The following KLHL13 variants were observed in gnomAD, a reference collection of about 807,000 sequenced individuals.
KLHL13 encodes kelch like family member 13.
In KLHL13, 10 loss-of-function variants were observed where a neutral mutation model predicts 37.1. That is an observed-to-expected ratio of 0.27 (90% CI 0.17 to 0.46). The LOEUF (loss-of-function observed/expected upper bound fraction) is 0.46. Among genes scored for constraint, KLHL13 ranks in the 20% least tolerant of loss-of-function variants. KLHL13 has a pLI of 1.00. For synonymous variants in KLHL13, 163 were observed against 181.2 expected, an observed-to-expected ratio of 0.90 and a Z score of 0.81; for missense variants, 360 against 509.3, an observed-to-expected ratio of 0.71 and a Z score of 2.82.
intron 1 of KLHL13, among the ~76,000 whole-genome samples, chrX:117,982,764 C>T (rs1368434036): frequency 8.9e-6 from 1 of 112,027 alleles, no homozygotes; most frequent in African/African-American, 3.2e-5. Context: ...GCTTTAAAGT[C>T]AAGGTTGCTA....
At chrX:118,049,569 G>A (rs2054593523) in intron 1 of KLHL13, among the ~76,000 whole-genome samples, 1 of 110,221 alleles carries the variant, frequency 9.1e-6, no homozygotes, top group African/African-American at 3.3e-5. Context: ...AGCACTAACT[G>A]TTGCATTGAG....
chrX:117,952,099 A>G (rs1014094122), intron 1 of KLHL13, among the ~76,000 whole-genome samples: 26 of 111,709 alleles, frequency 2.3e-4, no homozygotes, highest in African/African-American at 7.2e-4. Flanking sequence ...TCGCCAAGTC[A>G]ATCCTAAGCC....
intron 1 of KLHL13, among the ~76,000 whole-genome samples, chrX:118,025,562 T>A (rs1484754092): frequency 9.0e-6 from 1 of 110,912 alleles, no homozygotes; most frequent in Non-Finnish European, 1.9e-5. Flanking sequence ...TGGCCCATAG[T>A]GCAAGAATAG....
chrX:118,114,343 C>T (rs1232082205), intron 1 of KLHL13, among the ~76,000 whole-genome samples: 1 of 111,933 alleles, frequency 8.9e-6, no homozygotes, highest in Non-Finnish European at 1.9e-5. Flanking sequence ...TCTAGGTGTA[C>T]CAGATGGACT....
chrX:117,992,823 G>T (rs374436741), intron 1 of KLHL13, among the ~76,000 whole-genome samples: 1 of 111,268 alleles, frequency 9.0e-6, no homozygotes, highest in East Asian at 2.8e-4. Context: ...TTATTCTTAG[G>T]TGTGTTCAAC....
intron 1 of KLHL13, among the ~76,000 whole-genome samples, chrX:118,093,888 G>A (rs1000805789): frequency 2.0e-4 from 22 of 109,502 alleles, no homozygotes; most frequent in African/African-American, 7.3e-4. Flanking sequence ...TTTTTCTCTC[G>A]GGGGTGGAGA....
At chrX:117,970,112 A>G (rs1241731094) in intron 1 of KLHL13, among the ~76,000 whole-genome samples, 1 of 111,604 alleles carries the variant, frequency 9.0e-6, no homozygotes, top group Admixed American at 9.6e-5. Flanking sequence ...GAGCGTTTAG[A>G]TTTTTCCCAC....
At chrX:117,926,886 T>TTC (rs1932065013) in intron 2 of KLHL13, among the ~76,000 whole-genome samples, 1 of 14,164 alleles carries the variant, frequency 7.1e-5, no homozygotes, top group African/African-American at 4.2e-4. Context: ...CCCCTACTTC[T>TTC]TTTTTTTTTT....
chrX:117,953,463 T>C lies in KLHL13; in HGVS notation c.99-7888A>G, dbSNP rs1372447741. Among the ~76,000 whole-genome samples, 7 of 110,724 alleles carry C rather than the reference T, an allele frequency of 6.3e-5. No individual in the cohort carries two copies. The South Asian group carries it at 2.7e-3, about 43-fold the overall frequency. On this transcript the variant is annotated intron_variant, in intron 1 of 6. Coordinates refer to ENST00000262820, the Ensembl canonical transcript of KLHL13. ...GATACACCTAATGCTAAATGACGAGTTAATGGGTGCAGTGCACCAGCATGG... is the reference window on the plus strand; with the variant it reads ...GATACACCTAATGCTAAATGACGAGCTAATGGGTGCAGTGCACCAGCATGG...
chrX:118,012,589 C>T (rs5956846), intron 1 of KLHL13, among the ~76,000 whole-genome samples: 5,570 of 102,576 alleles, frequency 0.054, 391 homozygotes, highest in African/African-American at 0.19. Flanking sequence ...TCTCATAGAC[C>T]TTAACTTAAT....
chrX:117,898,671 T>C (rs1387686846), exon 7 of KLHL13: 1 of 349,563 alleles, frequency 2.9e-6, no homozygotes, highest in Non-Finnish European at 4.9e-6. Flanking sequence ...ACTTTTTTTT[T>C]CATATGTTAA....
intron 1 of KLHL13, among the ~76,000 whole-genome samples, chrX:118,111,614 C>T (rs774576286): frequency 9.8e-5 from 11 of 112,507 alleles, no homozygotes; most frequent in East Asian, 2.8e-4. Context: ...AAAGTTAGGC[C>T]GGGAGCAGTG....
chrX:118,093,340 A>T (rs1370730431), intron 1 of KLHL13, among the ~76,000 whole-genome samples: 1 of 111,950 alleles, frequency 8.9e-6, no homozygotes, highest in Non-Finnish European at 1.9e-5. Context: ...ACACTCACAT[A>T]CACTACTTTA....
intron 1 of KLHL13, among the ~76,000 whole-genome samples, chrX:117,991,846 A>ACACT (rs2053793640): frequency 1.6e-5 from 1 of 63,511 alleles, no homozygotes; most frequent in Non-Finnish European, 3.0e-5. Context: ...CTACAGTGAA[A>ACACT]CTCTCTCTCT....
At chrX:118,077,500 C>T (rs181615389) in intron 1 of KLHL13, among the ~76,000 whole-genome samples, 1 of 109,502 alleles carries the variant, frequency 9.1e-6, no homozygotes, top group African/African-American at 3.3e-5. Flanking sequence ...AAAGATGTTA[C>T]GTATTATGCA....
At chrX:117,903,655 A>G (rs1015920405) in intron 5 of KLHL13, among the ~76,000 whole-genome samples, 5 of 110,977 alleles carry the variant, frequency 4.5e-5, no homozygotes, top group South Asian at 3.8e-4. Flanking sequence ...CTCTCGCCAC[A>G]TAAGAGAAAA....
intron 1 of KLHL13, among the ~76,000 whole-genome samples, chrX:118,027,060 CACA>C (rs1162763787): frequency 9.0e-6 from 1 of 111,651 alleles, no homozygotes; most frequent in Non-Finnish European, 1.9e-5. Context: ...AAGCAAAAGT[CACA>C]ACAACAGTTA....
intron 1 of KLHL13, among the ~76,000 whole-genome samples, chrX:118,039,013 C>T (rs941871692): frequency 1.1e-4 from 12 of 112,265 alleles, no homozygotes; most frequent in Non-Finnish European, 1.9e-5. Flanking sequence ...ATTCCAGGCC[C>T]TAGTTCCCAG....
chrX:117,980,997 C>T (rs753704156), intron 1 of KLHL13, among the ~76,000 whole-genome samples: 1 of 111,796 alleles, frequency 8.9e-6, no homozygotes, highest in Non-Finnish European at 1.9e-5. Context: ...ATTTCCAGAT[C>T]CTTTTCGTTT....
Sources: allele counts gnomAD v4.1 joint callset (sites outside exome capture counted in the v4.1 genomes callset), GRCh38; gene constraint gnomAD v4.1.1; transcripts MANE v1.5; gene names NCBI Gene and HGNC (gene_info 2026-07-23, HGNC 2026-07-21).